ENTPD5: variants seen among roughly 807,000 people sequenced by gnomAD.
The protein encoded by ENTPD5 is nucleoside diphosphate phosphatase ENTPD5.
Under a neutral mutation model 60.2 loss-of-function variants are expected in ENTPD5, and 49 were observed. That is an observed-to-expected ratio of 0.81 (90% CI 0.65 to 1.03). The LOEUF is 1.03. ENTPD5 is among the 50% of genes least tolerant of loss of function. ENTPD5 has a pLI of 0.00. For synonymous variants in ENTPD5, 187 were observed against 185.4 expected (o/e 1.01, Z -0.07); for missense variants, 480 against 507.6 (o/e 0.95, Z 0.52).
intron 5 of ENTPD5, among the ~76,000 whole-genome samples, chr14:73,985,222 A>G (rs2140609556): frequency 6.6e-6 from 1 of 152,324 alleles, no homozygotes; most frequent in Non-Finnish European, 1.5e-5. Flanking sequence ...GTGTCTTTAT[A>G]GCAGCATGAT....
rs1327678103 is a variant in ENTPD5, at chr14:74,005,283, AAAAAAAG to A, written c.-71+5801_-71+5807del. ...TCAGTCTCAAAAAAAAAAAAAAAAG[AAAAAAAG>A]AAAAAAAGAAAAAAAGAAATAAACC... On this transcript the variant is annotated intron_variant, in intron 3 of 15. Coordinates refer to ENST00000334696, the MANE Select transcript of ENTPD5 (RefSeq NM_001249.5). Among the ~76,000 whole-genome samples the A allele has an allele frequency of 1.5e-3, 182 of 118,504 alleles. 2 individuals carry two copies. Among genetic ancestry groups the A allele is most frequent in the African/African-American group, 5.5e-3 (172 of 31,170 alleles). 77.7% of individuals were successfully genotyped at this position (118,504 alleles called of 152,430 possible).
chr14:73,971,893 C>G lies in ENTPD5; in HGVS notation c.1043G>C (p.Gly348Ala). The G allele has an allele frequency of 6.3e-7, 1 of 1,594,882 alleles. No individual in the cohort carries two copies. Among genetic ancestry groups the G allele is most frequent in the Non-Finnish European group, 8.6e-7 (1 of 1,162,568 alleles). ...DTDMIDYEKG[G>A]ILKVEDFERK... Reference sequence around the variant, plus strand: ...TTCAAAATCTTCAACTTTTAAAATACCCCCCTTTTCATAATCTGAAATAAA... The same window carrying G: ...TTCAAAATCTTCAACTTTTAAAATAGCCCCCTTTTCATAATCTGAAATAAA... The change falls in exon 14 of 16, where the codon GGT becomes GCT. Residue 348 changes from glycine to alanine, a missense_variant. Transcript: ENST00000334696.
chr14:73,975,086 A>G, intron 10 of ENTPD5, 101 bp from the exon 11 acceptor site: 1 of 919,616 alleles, frequency 1.1e-6, no homozygotes, highest in Non-Finnish European at 1.7e-6. Flanking sequence ...CCCTCTGGAA[A>G]GATGAAAACC....
chr14:73,994,423 A>T (rs1309349831), intron 3 of ENTPD5, among the ~76,000 whole-genome samples: 1 of 151,472 alleles, frequency 6.6e-6, no homozygotes, highest in Non-Finnish European at 1.5e-5. Flanking sequence ...CTCCGCACCG[A>T]GCAATGTAAG....
rs1471101633 is a variant in ENTPD5 at position 73,973,926 on chromosome 14, T to G, written c.837A>C (p.Ala279=). 6.2e-7 allele frequency: 1 copy of G among 1,614,012 alleles called. No homozygotes were observed. The highest frequency in any genetic ancestry group is 8.5e-7 in the Non-Finnish European group (1 of 1,180,010). ...RSACLPRWLE[A]EWIFGGVKYQ... ...ATTTCACACCCCCAAAGATCCACTC[T>G]GCTTCCAACCATCTCGGTAAACAGG... The change falls in exon 12 of 16, where the codon GCA becomes GCC. Residue 279 remains alanine, a synonymous_variant. Transcript: ENST00000334696.
intron 3 of ENTPD5, among the ~76,000 whole-genome samples, chr14:74,006,583 C>CT (rs753313229): frequency 2.4e-3 from 335 of 140,838 alleles, no homozygotes; most frequent in South Asian, 6.4e-3. Flanking sequence ...ACACCCGGCC[C>CT]TTTTTTTTTT....
chr14:73,971,726 T>G, intron 14 of ENTPD5, 126 bp downstream of exon 14: 2 of 709,860 alleles, frequency 2.8e-6, no homozygotes, highest in Non-Finnish European at 5.1e-6. Context: ...ACTGGAAGAC[T>G]CAGAAAGGAA....
rs1277183706 is a variant in ENTPD5, at chr14:73,972,908, G to A, written c.1003C>T (p.Arg335Ter). Residue 335 changes from arginine (R) to a stop codon, truncating the protein, a stop_gained, in exon 13 of 16, where the codon CGA becomes TGA. Transcript: ENST00000334696. LOFTEE classifies it high-confidence loss of function. ...SFYAFSYYYD[R>*]AVDTDMIDYE... ...CCAATCATGTCTGTGTCAACAGCTC[G>A]GTCATAATAGTAAGAGAAAGCATAG... is the stretch of plus-strand genomic sequence containing the variant. The A allele has an allele frequency of 7.4e-6, 12 of 1,614,144 alleles. No homozygotes were observed. Among genetic ancestry groups the A allele is most frequent in the South Asian group, 1.1e-5 (1 of 91,072 alleles).
intron 14 of ENTPD5, 37 bp downstream of exon 14, chr14:73,971,815 C>T: frequency 6.7e-7 from 1 of 1,499,300 alleles, no homozygotes; most frequent in South Asian, 1.1e-5. Context: ...CAGGCAGTCT[C>T]ACAGGCTTAC....
intron 11 of ENTPD5, 121 bp from the exon 12 acceptor site, chr14:73,974,099 A>G (rs2057341457): frequency 4.1e-6 from 3 of 725,738 alleles, no homozygotes; most frequent in East Asian, 5.4e-5. Context: ...AATCCTATGA[A>G]ATTAATTCCA....
At chr14:73,989,854 A>AG (rs2140663754) in intron 3 of ENTPD5, among the ~76,000 whole-genome samples, 1 of 149,594 alleles carries the variant, frequency 6.7e-6, no homozygotes, top group African/African-American at 2.5e-5. Flanking sequence ...AAAAAAAAAA[A>AG]AAATTAGCCG....
chr14:73,977,319 A>G lies in ENTPD5; in HGVS notation c.497T>C (p.Ile166Thr). ...CCCACCTTCGTCGGATCCATCCATG[A>G]TGCTAACACTGCCCTTTGGTACCAG... ...PFLVPKGSVS[I>T]MDGSDEGILA... Residue 166 changes from isoleucine (I) to threonine (T), a missense_variant, in exon 7 of 16, where the codon ATC becomes ACC. Physicochemically the swap from Ile to Thr is moderately conservative, Grantham distance 89. Coordinates refer to ENST00000334696, the MANE Select transcript of ENTPD5 (RefSeq NM_001249.5). The G allele has an allele frequency of 6.2e-7, 1 of 1,611,646 alleles. No individual in the cohort carries two copies. The highest frequency in any genetic ancestry group is 8.5e-7 in the Non-Finnish European group (1 of 1,178,892).
chr14:74,000,879 G>A lies in ENTPD5; in HGVS notation c.-71+10212C>T, dbSNP rs1370219214. 3.3e-5 allele frequency among the ~76,000 whole-genome samples: 5 copies of A among 152,080 alleles called. 1 individual carries two copies. In the South Asian group the frequency reaches 8.3e-4, roughly 25 times the overall value. On this transcript the variant is annotated intron_variant, in intron 3 of 15. Transcript: ENST00000334696. ...AGACCAGATGTGTATAAAGACCAGAGAGATTAGAAAAAGATGATAGGAAAA... is the reference window on the plus strand; with the variant it reads ...AGACCAGATGTGTATAAAGACCAGAAAGATTAGAAAAAGATGATAGGAAAA...
At chr14:73,962,706 TTA>T (rs57794133), downstream of ENTPD5, 327,763 of 487,050 alleles carry the variant, frequency 0.67, 111,200 homozygotes, top group South Asian at 0.76. Context: ...TCCCAGCACT[TTA>T]TAGGAGGCTG....
rs746808057 is a variant in ENTPD5 at position 73,966,990 on chromosome 14, C to G, written c.1225G>C (p.Glu409Gln). The change falls in exon 16 of 16, where the codon GAG becomes CAG. Residue 409 changes from glutamate (E) to glutamine (Q), a missense_variant. Physicochemically the swap from Glu to Gln is conservative, Grantham distance 29. Coordinates refer to ENST00000334696, the MANE Select transcript of ENTPD5 (RefSeq NM_001249.5). Reference sequence around the variant, plus strand: ...GTGGCCCCCAAGGCCCAGCCCGTCTCTATGTTGTTCACTTTCTTTGTGAGC... The same window carrying G: ...GTGGCCCCCAAGGCCCAGCCCGTCTGTATGTTGTTCACTTTCTTTGTGAGC... ...LQLTKKVNNIETGWALGATFH... is the reference protein window; with the variant it reads ...LQLTKKVNNIQTGWALGATFH... 4 of 1,614,224 alleles carry G rather than the reference C, an allele frequency of 2.5e-6. No homozygotes were observed. Among genetic ancestry groups the G allele is most frequent in the Non-Finnish European group, 3.4e-6 (4 of 1,180,010 alleles).
Position 74,002,130 on chromosome 14 carries a change from TA to T in ENTPD5, c.-71+8960del, listed in dbSNP as rs1324462941. ...TGCTCTGTGAGTTAGGTGCTATTATTAAGATTCCCATTTTATAAATGAGAAA... is the reference window on the plus strand; with the variant it reads ...TGCTCTGTGAGTTAGGTGCTATTATTAGATTCCCATTTTATAAATGAGAAA... On this transcript the variant is annotated intron_variant, in intron 3 of 15. Transcript: ENST00000334696. Among the ~76,000 whole-genome samples, 6 of 152,188 alleles carry T rather than the reference TA, an allele frequency of 3.9e-5. No homozygotes were observed. In the East Asian group the frequency reaches 1.2e-3, roughly 29 times the overall value.
At position 73,988,075 on chromosome 14, in the gene ENTPD5, A is replaced by G. The variant is rs1352946372; in HGVS notation, c.28T>C (p.Phe10Leu). Residue 10 changes from phenylalanine (F) to leucine (L), a missense_variant, in exon 4 of 16, where the codon TTC (phenylalanine) becomes CTC (leucine). Coordinates refer to ENST00000334696, the MANE Select transcript of ENTPD5 (RefSeq NM_001249.5). MATSWGTVF[F>L]MLVVSCVCSA... is the part of the protein sequence containing the mutation. ...CAAACACAGGATACCACCAGCATGA[A>G]AAAGACTGTGCCCCAAGAAGTGGCC... 2 of 1,612,686 alleles carry G rather than the reference A, an allele frequency of 1.2e-6. No individual in the cohort carries two copies. The highest frequency in any genetic ancestry group is 1.7e-6 in the Non-Finnish European group (2 of 1,179,676).
At chr14:73,978,601 C>CAAACAAAACA (rs113384416) in intron 6 of ENTPD5, among the ~76,000 whole-genome samples, 37 of 148,860 alleles carry the variant, frequency 2.5e-4, no homozygotes, top group South Asian at 2.2e-4. Context: ...GACTCTGTCT[C>CAAACAAAACA]AAACAAAACA....
chr14:74,016,640 A>G lies in ENTPD5; in HGVS notation c.-237-710T>C, dbSNP rs2059024588. Among the ~76,000 whole-genome samples the G allele has an allele frequency of 2.6e-5, 4 of 152,320 alleles. No homozygotes were observed. The South Asian group carries it at 8.3e-4, about 32-fold the overall frequency. On this transcript the variant is annotated intron_variant, in intron 1 of 15. Coordinates refer to ENST00000334696, the MANE Select transcript of ENTPD5 (RefSeq NM_001249.5). ...AAGAGTAAGACCCTATCTCAAAAAA[A>G]CCATCAAAAAACCCAAAAACCAATA...
Sources: gnomAD v4.1 joint callset for allele counts (sites outside exome capture counted in the v4.1 genomes callset) on GRCh38, gnomAD v4.1.1 for gene constraint, MANE v1.5 for transcripts, NCBI Gene and HGNC (gene_info 2026-07-23, HGNC 2026-07-21) for gene names.